Variants in LGR4 observed in about 807,000 individuals in gnomAD.
The protein encoded by LGR4 is leucine-rich repeat-containing G protein-coupled receptor 4.
In LGR4, 44 loss-of-function variants were observed where a neutral mutation model predicts 84.8. That is an observed-to-expected ratio of 0.52 (90% confidence interval 0.41 to 0.67). The LOEUF (loss-of-function observed/expected upper bound fraction) is 0.67, where lower values mean the gene tolerates loss of function less well. LGR4 is among the 30% of genes least tolerant of loss of function. The pLI, the probability that LGR4 is intolerant of heterozygous loss-of-function variation, is 0.00. For missense variants in LGR4, 1,032 were observed against 1,131.4 expected (o/e 0.91, Z 1.26); for synonymous variants, 429 against 434.3 (o/e 0.99, Z 0.15).
intron 1 of LGR4, among the ~76,000 whole-genome samples, chr11:27,466,054 G>T (rs968707678): frequency 6.6e-6 from 1 of 152,160 alleles, no homozygotes; most frequent in South Asian, 2.1e-4. Flanking sequence ...CGGTTAAATA[G>T]CAAGCTGGGT....
At chr11:27,452,685 G>A (rs1463624351) in intron 1 of LGR4, among the ~76,000 whole-genome samples, 4 of 143,768 alleles carry the variant, frequency 2.8e-5, no homozygotes, top group Admixed American at 7.2e-5. Context: ...GTGCAGTGGC[G>A]CGATCTCGGC....
intron 13 of LGR4, 90 bp from the exon 14 acceptor site, chr11:27,374,136 C>T: frequency 1.2e-6 from 1 of 808,398 alleles, no homozygotes; most frequent in Non-Finnish European, 2.1e-6. Context: ...GAGGTAGTAA[C>T]ACAATATCGC....
At chr11:27,447,905 T>C (rs1459656240) in intron 1 of LGR4, among the ~76,000 whole-genome samples, 1 of 152,204 alleles carries the variant, frequency 6.6e-6, no homozygotes, top group Non-Finnish European at 1.5e-5. Context: ...ACTAAAGGAA[T>C]AGAAAGTAAT....
chr11:27,374,565 C>T (rs192145805), intron 13 of LGR4, among the ~76,000 whole-genome samples: 16 of 152,204 alleles, frequency 1.1e-4, no homozygotes, highest in African/African-American at 2.6e-4. Context: ...CAGCCAGCTC[C>T]GTATTCAGGA....
chr11:27,453,194 G>A (rs896549029), intron 1 of LGR4, among the ~76,000 whole-genome samples: 2 of 151,798 alleles, frequency 1.3e-5, no homozygotes, highest in African/African-American at 2.4e-5. Context: ...TCAGCCTCCC[G>A]AGTAGCTGGG....
chr11:27,467,581 A>AAC lies in LGR4; in HGVS notation c.185+4536_185+4537insGT, dbSNP rs1554972056. Reference sequence around the variant, plus strand: ...GAGTCCGTCTCAAAAAAAAAAAAAAAATCAAATTAAATAGAGAACAACAAT... The same window carrying AAC: ...GAGTCCGTCTCAAAAAAAAAAAAAAAACATCAAATTAAATAGAGAACAACAAT... On this transcript the variant is annotated intron_variant, in intron 1 of 17. Transcript: ENST00000379214. Among the ~76,000 whole-genome samples the AAC allele has an allele frequency of 2.7e-3, 405 of 148,592 alleles. 8 individuals carry two copies. Among genetic ancestry groups the AAC allele is most frequent in the Non-Finnish European group, 3.8e-3 (257 of 67,068 alleles).
chr11:27,401,076 A>G (rs1303132768), intron 2 of LGR4, among the ~76,000 whole-genome samples: 1 of 152,238 alleles, frequency 6.6e-6, no homozygotes, highest in Non-Finnish European at 1.5e-5. Flanking sequence ...AAGAATATAC[A>G]TGAATTAAGA....
At chr11:27,417,256 A>G (rs1167591829) in intron 1 of LGR4, among the ~76,000 whole-genome samples, 1 of 147,238 alleles carries the variant, frequency 6.8e-6, no homozygotes, top group Non-Finnish European at 1.5e-5. Context: ...CTAGGAAAAG[A>G]AAAAAAAAAT....
intron 1 of LGR4, among the ~76,000 whole-genome samples, chr11:27,417,763 T>A (rs190518754): frequency 3.0e-4 from 46 of 152,324 alleles, no homozygotes; most frequent in African/African-American, 1.1e-3. Flanking sequence ...ATGTATGGTA[T>A]ATATTTTTAC....
chr11:27,409,261 C>T (rs1003516197), intron 2 of LGR4, among the ~76,000 whole-genome samples: 1 of 151,976 alleles, frequency 6.6e-6, no homozygotes, highest in African/African-American at 2.4e-5. Context: ...GCACATCACT[C>T]ACAGTGTTCC....
At chr11:27,416,193 C>T (rs1254402695) in intron 1 of LGR4, among the ~76,000 whole-genome samples, 1 of 152,086 alleles carries the variant, frequency 6.6e-6, no homozygotes, top group Non-Finnish European at 1.5e-5. Context: ...CAAAGCACCA[C>T]CAACTCCCAA....
At chr11:27,464,255 C>T (rs948755386) in intron 1 of LGR4, among the ~76,000 whole-genome samples, 3 of 152,188 alleles carry the variant, frequency 2.0e-5, no homozygotes, top group African/African-American at 7.2e-5. Context: ...TTCCTCCCTC[C>T]TGAAAATATC....
intron 1 of LGR4, among the ~76,000 whole-genome samples, chr11:27,435,132 C>G (rs929938129): frequency 6.6e-6 from 1 of 151,952 alleles, no homozygotes; most frequent in East Asian, 1.9e-4. Flanking sequence ...ATCAGGCGTT[C>G]GAGACCAGCC....
intron 1 of LGR4, among the ~76,000 whole-genome samples, chr11:27,425,253 G>A (rs571911418): frequency 6.6e-6 from 1 of 151,596 alleles, no homozygotes; most frequent in Admixed American, 6.6e-5. Flanking sequence ...CAGATACCAT[G>A]AATTAGGTGA....
Position 27,452,749 on chromosome 11 carries a change from G to C in LGR4, c.185+19369C>G, listed in dbSNP as rs111548869. Among the ~76,000 whole-genome samples, 525 of 146,172 alleles carry C rather than the reference G, an allele frequency of 3.6e-3. 4 individuals carry two copies. Among genetic ancestry groups the C allele is most frequent in the Non-Finnish European group, 7.0e-3 (472 of 67,004 alleles). On this transcript the variant is annotated intron_variant, in intron 1 of 17. Transcript: ENST00000379214. The stretch of plus-strand genomic sequence containing the variant: ...CACCATTCTCCTGCCTCAGCCTCCC[G>C]AGTAGCTGGGACTACAGGTGCCCGC...
chr11:27,430,521 GA>G (rs1479145363), intron 1 of LGR4, among the ~76,000 whole-genome samples: 1 of 152,116 alleles, frequency 6.6e-6, no homozygotes, highest in Non-Finnish European at 1.5e-5. Context: ...CAGCACATAG[GA>G]AATATAATTT....
intron 17 of LGR4, 90 bp downstream of exon 17, chr11:27,371,525 C>G (rs1339970226): frequency 2.3e-6 from 2 of 884,540 alleles, no homozygotes; most frequent in East Asian, 5.0e-5. Context: ...ATCCCTATTA[C>G]AGAAATCACA....
At chr11:27,393,581 C>T (rs943498929) in intron 2 of LGR4, among the ~76,000 whole-genome samples, 49 of 151,972 alleles carry the variant, frequency 3.2e-4, no homozygotes, top group African/African-American at 1.2e-3. Context: ...TATAATCCCT[C>T]CTTTAAAAGG....
At chr11:27,374,105 T>G in intron 13 of LGR4, 59 bp from the exon 14 acceptor site, 1 of 1,071,260 alleles carries the variant, frequency 9.3e-7, no homozygotes. Flanking sequence ...TGCCACTTAC[T>G]TAGACTATAC....
Sources: gnomAD v4.1 joint callset for allele counts (sites outside exome capture counted in the v4.1 genomes callset) on GRCh38, gnomAD v4.1.1 for gene constraint, MANE v1.5 for transcripts, NCBI Gene and HGNC (gene_info 2026-07-23, HGNC 2026-07-21) for gene names.